IFT43: variants seen among roughly 807,000 people sequenced by gnomAD.
IFT43 encodes intraflagellar transport 43.
Under a neutral mutation model 32.3 loss-of-function variants are expected in IFT43, and 33 were observed. The observed-to-expected ratio is 1.02, with a 90% CI of 0.77 to 1.37. The LOEUF is 1.37. IFT43 is among the 40% of genes most tolerant of loss of function. The pLI is 0.00. For missense variants in IFT43, 274 were observed against 265.9 expected, an observed-to-expected ratio of 1.03 and a Z score of -0.21; for synonymous variants, 93 against 98.2, an observed-to-expected ratio of 0.95 and a Z score of 0.31.
chr14:76,017,772 A>G lies in IFT43; in HGVS notation c.148-4555A>G, dbSNP rs75703620. ...AGGTTTTCTATTTCTTCCTGGTTCA[A>G]TCTTGGTAGGTTGTACGTGTCCAGG... is the stretch of plus-strand genomic sequence containing the variant. On this transcript the variant is annotated intron_variant, in intron 2 of 8. Transcript: ENST00000314067. Among the ~76,000 whole-genome samples the G allele has an allele frequency of 9.4e-4, 143 of 152,124 alleles. 1 individual carries two copies. The East Asian group carries it at 0.024, about 26-fold the overall frequency.
chr14:76,024,454 T>G (rs1349503153), intron 3 of IFT43, among the ~76,000 whole-genome samples: 1 of 152,234 alleles, frequency 6.6e-6, no homozygotes, highest in Non-Finnish European at 1.5e-5. Context: ...GAATTCAGAT[T>G]TCAGCATTTA....
intron 2 of IFT43, among the ~76,000 whole-genome samples, chr14:76,002,627 T>A (rs2035910346): frequency 6.6e-6 from 1 of 152,166 alleles, no homozygotes; most frequent in African/African-American, 2.4e-5. Context: ...AGAATAGTTG[T>A]GGAGAGGGAG....
intron 2 of IFT43, among the ~76,000 whole-genome samples, chr14:76,006,907 G>C (rs1242284075): frequency 7.0e-6 from 1 of 143,042 alleles, no homozygotes; most frequent in Non-Finnish European, 1.5e-5. Context: ...GCCTAGGCTA[G>C]AGTGCAATGG....
intron 3 of IFT43, among the ~76,000 whole-genome samples, chr14:76,034,461 A>G (rs140720452): frequency 6.6e-6 from 1 of 152,174 alleles, no homozygotes; most frequent in African/African-American, 2.4e-5. Context: ...TTTTGGGGAG[A>G]CACAAATATT....
intron 5 of IFT43, among the ~76,000 whole-genome samples, chr14:76,065,312 A>C (rs1050926381): frequency 3.3e-5 from 5 of 152,238 alleles, no homozygotes; most frequent in African/African-American, 1.2e-4. Context: ...TTTACTTCTC[A>C]AAACAAATCA....
chr14:76,058,511 A>C, intron 3 of IFT43, 131 bp from the exon 4 acceptor site: 1 of 995,502 alleles, frequency 1.0e-6, no homozygotes, highest in Non-Finnish European at 1.5e-6. Context: ...GTCTCTAAAG[A>C]GGACTGCAGA....
At chr14:76,024,134 TC>T (rs2036345419) in intron 3 of IFT43, among the ~76,000 whole-genome samples, 2 of 152,338 alleles carry the variant, frequency 1.3e-5, no homozygotes, top group Non-Finnish European at 2.9e-5. Flanking sequence ...ATGATTGATA[TC>T]CCCTTGGATT....
In IFT43 at chr14:76,043,877, G is replaced by A. The variant is rs138773324; in HGVS notation, c.216-14765G>A. 5.7e-4 allele frequency among the ~76,000 whole-genome samples: 87 copies of A among 152,244 alleles called. 1 individual carries two copies. The highest frequency in any genetic ancestry group is 1.9e-3 in the African/African-American group (79 of 41,552). ...CTGTCCCACATTTCCAGTGCCAGTT[G>A]CAAGCCCTGGGTTGTTTTACCTGTG... is the stretch of plus-strand genomic sequence containing the variant. On this transcript the variant is annotated intron_variant, in intron 3 of 8. Transcript: ENST00000314067.
rs759403685 is a variant in IFT43 at position 76,082,292 on chromosome 14, C to T, written c.296-3C>T. 9.3e-6 allele frequency: 15 copies of T among 1,613,592 alleles called. No homozygotes were observed. The highest frequency in any genetic ancestry group is 1.3e-5 in the African/African-American group (1 of 74,922). On this transcript the variant is annotated splice_polypyrimidine_tract_variant and splice_region_variant and intron_variant, in intron 5 of 8. Coordinates refer to ENST00000314067, the MANE Select transcript of IFT43 (RefSeq NM_001102564.3). ...ACAGTGTTGCCTCTGCCTCTCCTTG[C>T]AGATATTCCTATCATTCCGGATCTG... is the stretch of plus-strand genomic sequence containing the variant.
intron 2 of IFT43, among the ~76,000 whole-genome samples, chr14:76,009,764 A>C (rs2139920587): frequency 6.6e-6 from 1 of 152,198 alleles, no homozygotes; most frequent in Non-Finnish European, 1.5e-5. Flanking sequence ...CAAGGACTAG[A>C]AGCCAGAAGC....
intron 1 of IFT43, among the ~76,000 whole-genome samples, chr14:75,988,203 C>G (rs988824751): frequency 6.6e-6 from 1 of 151,956 alleles, no homozygotes; most frequent in Non-Finnish European, 1.5e-5. Context: ...ACAGGGGGAC[C>G]CCATATCTAC....
intron 5 of IFT43, among the ~76,000 whole-genome samples, chr14:76,071,144 G>A (rs907484000): frequency 2.9e-4 from 44 of 152,286 alleles, no homozygotes; most frequent in African/African-American, 1.0e-3. Flanking sequence ...AACGGGGGCC[G>A]GGTGAGGTGG....
intron 2 of IFT43, among the ~76,000 whole-genome samples, chr14:76,005,346 GACATGGTCTTT>G (rs2035961699): frequency 6.6e-6 from 1 of 152,172 alleles, no homozygotes; most frequent in Non-Finnish European, 1.5e-5. Flanking sequence ...ATAGTCCTGG[GACATGGTCTTT>G]ACTCCTCAGA....
chr14:76,028,074 A>G (rs2036438464), intron 3 of IFT43, among the ~76,000 whole-genome samples: 1 of 152,134 alleles, frequency 6.6e-6, no homozygotes, highest in Middle Eastern at 3.2e-3. Context: ...GTTGACCAGA[A>G]CAGGTGATCA....
intron 5 of IFT43, among the ~76,000 whole-genome samples, chr14:76,074,574 A>G (rs1301533033): frequency 1.3e-5 from 2 of 152,200 alleles, no homozygotes; most frequent in Non-Finnish European, 2.9e-5. Flanking sequence ...CAGGCCTGCA[A>G]GGCTGAGTCC....
chr14:76,032,380 A>C (rs1405804076), intron 3 of IFT43, among the ~76,000 whole-genome samples: 1 of 152,198 alleles, frequency 6.6e-6, no homozygotes, highest in Non-Finnish European at 1.5e-5. Flanking sequence ...TTTTACTTGT[A>C]TACTCAGAAC....
chr14:76,002,751 T>C (rs182331707), intron 2 of IFT43, among the ~76,000 whole-genome samples: 2 of 152,210 alleles, frequency 1.3e-5, no homozygotes, highest in African/African-American at 4.8e-5. Flanking sequence ...GTTTTCATAA[T>C]AATTTGGAAG....
chr14:76,034,191 C>A (rs757186983), intron 3 of IFT43, among the ~76,000 whole-genome samples: 5 of 152,118 alleles, frequency 3.3e-5, no homozygotes, highest in Non-Finnish European at 7.3e-5. Flanking sequence ...AAACAACAAA[C>A]CTTTATTTCT....
chr14:76,066,178 A>G (rs2037221992), intron 5 of IFT43, among the ~76,000 whole-genome samples: 1 of 152,258 alleles, frequency 6.6e-6, no homozygotes, highest in Non-Finnish European at 1.5e-5. Context: ...ATAAAATTTC[A>G]TTAAGGAAGG....
Sources: allele counts gnomAD v4.1 joint callset (sites outside exome capture counted in the v4.1 genomes callset), GRCh38; gene constraint gnomAD v4.1.1; transcripts MANE v1.5; gene names NCBI Gene and HGNC (gene_info 2026-07-23, HGNC 2026-07-21).